The following CCDC175 variants were observed in gnomAD, a reference collection of about 807,000 sequenced individuals.
The protein encoded by CCDC175 is coiled-coil domain-containing protein 175.
Under a neutral mutation model 114.6 loss-of-function variants are expected in CCDC175, and 100 were observed. That is an observed-to-expected ratio of 0.87 (90% CI 0.74 to 1.03). The LOEUF (loss-of-function observed/expected upper bound fraction) is 1.03, where lower values mean the gene tolerates loss of function less well. CCDC175 is among the 50% of genes least tolerant of loss of function. The probability of loss-of-function intolerance (pLI) is 0.00; values close to 1 mark genes in which losing one functional copy is unlikely to be tolerated. For synonymous variants in CCDC175, 306 were observed against 308.7 expected, an observed-to-expected ratio of 0.99 and a Z score of 0.09; for missense variants, 880 against 917.8, an observed-to-expected ratio of 0.96 and a Z score of 0.53.
chr14:59,524,323 A>G (rs1234808899), intron 16 of CCDC175, among the ~76,000 whole-genome samples: 3 of 139,454 alleles, frequency 2.2e-5, no homozygotes, highest in Non-Finnish European at 4.7e-5. Flanking sequence ...AATACATTTT[A>G]AGTATAAATA....
At chr14:59,576,566 C>T (rs1275081090) in intron 1 of CCDC175, 53 bp downstream of exon 1, 66 of 1,363,640 alleles carry the variant, frequency 4.8e-5, no homozygotes, top group Non-Finnish European at 6.1e-5. Flanking sequence ...TGAGTGCCTC[C>T]TAAGCGCCAC....
At position 59,510,712 on chromosome 14, in the gene CCDC175, A is replaced by C. The variant is rs373104649; in HGVS notation, c.2239T>G (p.Trp747Gly). 8 of 1,537,178 alleles carry C rather than the reference A, an allele frequency of 5.2e-6. No homozygotes were observed. Among genetic ancestry groups the C allele is most frequent in the Non-Finnish European group, 6.1e-6 (7 of 1,146,902 alleles). ...RDEKMQHVST[W>G]LRGSLEGLRL... ...AGCCCTTCAAGACTCCCTCGTAGCC[A>C]TGTACTGACATGCTGCATTTTTTCA... is the stretch of plus-strand genomic sequence containing the variant. The change falls in exon 19 of 20, where the codon TGG becomes GGG. Residue 747 changes from tryptophan (W) to glycine (G), a missense_variant. Physicochemically the swap from Trp to Gly is radical, Grantham distance 184. Coordinates refer to ENST00000537690, the MANE Select transcript of CCDC175 (RefSeq NM_001164399.2).
chr14:59,553,308 T>C (rs1001090028), intron 7 of CCDC175, among the ~76,000 whole-genome samples: 1 of 152,168 alleles, frequency 6.6e-6, no homozygotes, highest in Non-Finnish European at 1.5e-5. Context: ...GGGACCAATA[T>C]TCAACATTCT....
At chr14:59,571,048 T>G (rs140104827) in intron 3 of CCDC175, among the ~76,000 whole-genome samples, 122 of 151,806 alleles carry the variant, frequency 8.0e-4, no homozygotes, top group Non-Finnish European at 1.6e-3. Context: ...GCCCCTTCTC[T>G]CTTTTGTTGA....
chr14:59,566,692 GA>G (rs1247515562), intron 4 of CCDC175, among the ~76,000 whole-genome samples: 5 of 152,280 alleles, frequency 3.3e-5, no homozygotes, highest in African/African-American at 1.2e-4. Context: ...GGAGCCTCAG[GA>G]AAACACATTC....
intron 14 of CCDC175, among the ~76,000 whole-genome samples, chr14:59,529,186 G>A (rs1332275236): frequency 1.3e-5 from 2 of 152,162 alleles, no homozygotes; most frequent in Non-Finnish European, 2.9e-5. Context: ...GAATATGTTA[G>A]TCTCCTTCCT....
intron 10 of CCDC175, among the ~76,000 whole-genome samples, chr14:59,541,326 T>C (rs1182061516): frequency 6.6e-6 from 1 of 152,158 alleles, no homozygotes; most frequent in Non-Finnish European, 1.5e-5. Context: ...GGATAGAAGA[T>C]TTTCTTGTGG....
chr14:59,547,284 T>A (rs762357572), intron 8 of CCDC175, among the ~76,000 whole-genome samples: 5 of 152,306 alleles, frequency 3.3e-5, no homozygotes, highest in Admixed American at 6.5e-5. Flanking sequence ...GAAGCCTCAA[T>A]ACTGTGAAAA....
In CCDC175 at chr14:59,513,026, C is replaced by A. The variant is rs539896751; in HGVS notation, c.2099-1223G>T. ...AAGTTAGGCATTTAGAATAAAGGAA[C>A]AACCACATAAAATTGATTTTTGAAA... On this transcript the variant is annotated intron_variant, in intron 17 of 19. Transcript: ENST00000537690. 2.5e-4 allele frequency among the ~76,000 whole-genome samples: 38 copies of A among 152,190 alleles called. 1 individual carries two copies. Among genetic ancestry groups the A allele is most frequent in the Middle Eastern group, 6.8e-3 (2 of 294 alleles).
intron 14 of CCDC175, among the ~76,000 whole-genome samples, chr14:59,530,315 A>C (rs1239343083): frequency 6.6e-6 from 1 of 151,766 alleles, no homozygotes; most frequent in Non-Finnish European, 1.5e-5. Flanking sequence ...TGCAGTGAGC[A>C]GAGATTGTAC....
At chr14:59,535,265 G>A (rs1389767627) in intron 13 of CCDC175, among the ~76,000 whole-genome samples, 2 of 152,180 alleles carry the variant, frequency 1.3e-5, no homozygotes, top group Admixed American at 6.5e-5. Context: ...CTGGCAAGCC[G>A]AGTGCAGGCT....
chr14:59,570,361 A>G (rs936420694), intron 3 of CCDC175, among the ~76,000 whole-genome samples: 12 of 152,170 alleles, frequency 7.9e-5, no homozygotes, highest in Non-Finnish European at 1.5e-5. Flanking sequence ...GCCAGCTGGT[A>G]AAGGGGAAAA....
chr14:59,569,738 T>C (rs1896744558), intron 3 of CCDC175, among the ~76,000 whole-genome samples: 1 of 152,124 alleles, frequency 6.6e-6, no homozygotes, highest in Admixed American at 6.5e-5. Flanking sequence ...ACCCACTCTA[T>C]CAGTCAGGGT....
chr14:59,564,774 C>A (rs1361858089), intron 5 of CCDC175, among the ~76,000 whole-genome samples: 1 of 152,218 alleles, frequency 6.6e-6, no homozygotes, highest in Non-Finnish European at 1.5e-5. Flanking sequence ...TTCCTTGTCC[C>A]TGTATGGCAG....
At chr14:59,526,399 A>G (rs1011071845) in intron 15 of CCDC175, among the ~76,000 whole-genome samples, 5 of 152,078 alleles carry the variant, frequency 3.3e-5, no homozygotes, top group Non-Finnish European at 7.4e-5. Context: ...TGAGATCAAG[A>G]GTTCGAAACC....
At position 59,576,743 on chromosome 14, in the gene CCDC175, G is replaced by A; in HGVS notation, c.33C>T (p.Gly11=). 6.8e-7 allele frequency: 1 copy of A among 1,475,374 alleles called. No individual in the cohort carries two copies. The highest frequency in any genetic ancestry group is 8.9e-7 in the Non-Finnish European group (1 of 1,122,186). 91.4% of individuals were successfully genotyped at this position (1,475,374 alleles called of 1,614,324 possible). ...CCGCCTGCACCAGCTTCTCGCCAGC[G>A]CCCAGCCCTGGGGTCCAGGGGCTCA... MALSPWTPGL[G]AGEKLVQAAA... Residue 11 remains glycine (G), a synonymous_variant, in exon 1 of 20, where the codon GGC becomes GGT. Transcript: ENST00000537690.
At chr14:59,540,829 T>A in intron 10 of CCDC175, 83 bp from the exon 11 acceptor site, 1 of 1,144,242 alleles carries the variant, frequency 8.7e-7, no homozygotes, top group Non-Finnish European at 1.2e-6. Flanking sequence ...ATTTGTATGC[T>A]CAGTAAGGCT....
chr14:59,550,175 C>T (rs111865846), intron 8 of CCDC175, among the ~76,000 whole-genome samples: 6,178 of 152,202 alleles, frequency 0.041, 160 homozygotes, highest in Non-Finnish European at 0.06. Context: ...TCCCAAAGTG[C>T]TGGAATTACA....
At chr14:59,524,639 T>A (rs1415486196) in intron 16 of CCDC175, among the ~76,000 whole-genome samples, 1 of 152,144 alleles carries the variant, frequency 6.6e-6, no homozygotes, top group Non-Finnish European at 1.5e-5. Context: ...TTGGTGCAAC[T>A]CCTTTGGGAG....
Sources: gnomAD v4.1 joint callset for allele counts (sites outside exome capture counted in the v4.1 genomes callset) on GRCh38, gnomAD v4.1.1 for gene constraint, MANE v1.5 for transcripts, NCBI Gene and HGNC (gene_info 2026-07-23, HGNC 2026-07-21) for gene names.